The following NRIP1 variants were observed in gnomAD, a reference collection of about 807,000 sequenced individuals.
The protein encoded by NRIP1 is nuclear receptor-interacting protein 1.
Under a neutral mutation model 75.0 loss-of-function variants are expected in NRIP1, and 28 were observed. The ratio of observed to expected loss-of-function variants is 0.37; its 90% confidence interval spans 0.28 to 0.51. The LOEUF (loss-of-function observed/expected upper bound fraction) is 0.51, where lower values mean the gene tolerates loss of function less well. NRIP1 is among the 20% of genes least tolerant of loss of function. NRIP1 has a pLI of 0.92. For synonymous variants in NRIP1, 526 were observed against 487.6 expected, an observed-to-expected ratio of 1.08 and a Z score of -1.04; for missense variants, 1,435 against 1,343.7, an observed-to-expected ratio of 1.07 and a Z score of -1.06.
At chr21:14,989,526 G>T (rs1053505081) in intron 3 of NRIP1, among the ~76,000 whole-genome samples, 1 of 152,164 alleles carries the variant, frequency 6.6e-6, no homozygotes, top group African/African-American at 2.4e-5. Context: ...GAGCTACCCT[G>T]GGAGTGAATA....
In NRIP1 at chr21:14,967,791, G is replaced by C; in HGVS notation, c.402C>G (p.Ala134=). Residue 134 remains alanine, a synonymous_variant, in exon 4 of 4, where the codon GCC becomes GCG. Coordinates refer to ENST00000318948, the MANE Select transcript of NRIP1 (RefSeq NM_003489.4). ...PKGKQDSTLL[A]SLLQSFSSRL... is the part of the protein sequence containing the mutation. ...TAGAGCTGAATGACTGAAGCAAAGA[G>C]GCCAGTAATGTGCTATCCTGTTTGC... The C allele has an allele frequency of 6.2e-7, 1 of 1,614,070 alleles. No homozygotes were observed.
chr21:14,995,622 A>T (rs1386585788), intron 3 of NRIP1, among the ~76,000 whole-genome samples: 2 of 152,232 alleles, frequency 1.3e-5, no homozygotes, highest in Admixed American at 1.3e-4. Flanking sequence ...ATAAATATGA[A>T]AGAAAGAGAA....
intron 3 of NRIP1, 44 bp downstream of exon 3, chr21:15,014,300 C>A (rs186516223): frequency 2.5e-6 from 1 of 395,292 alleles, no homozygotes; most frequent in East Asian, 3.6e-5. Flanking sequence ...ATATTAAAGT[C>A]ATAATGATTA....
Position 14,963,890 on chromosome 21 carries a change from G to A in NRIP1, c.*826C>T, listed in dbSNP as rs1238496724. ...TCCAAAGAAAAGCCATTTTGCTTCT[G>A]TTAAAAACAATTTCTTAAATATTCA... On this transcript the variant is annotated 3_prime_UTR_variant, in exon 4 of 4. Coordinates refer to ENST00000318948, the MANE Select transcript of NRIP1 (RefSeq NM_003489.4). The A allele has an allele frequency of 2.7e-4, 41 of 152,504 alleles. No individual in the cohort carries two copies. The highest frequency in any genetic ancestry group is 2.6e-3 in the Admixed American group (40 of 15,256). 9.4% of individuals were successfully genotyped at this position (152,504 alleles called of 1,614,324 possible). A position where few individuals can be genotyped will look rare whatever the true frequency, so the allele number is the denominator to read the frequency against.
At chr21:15,028,856 T>C (rs2088581204) in intron 2 of NRIP1, among the ~76,000 whole-genome samples, 1 of 152,208 alleles carries the variant, frequency 6.6e-6, no homozygotes, top group African/African-American at 2.4e-5. Flanking sequence ...AAAGTATTTA[T>C]ATAAACAAGT....
intron 3 of NRIP1, among the ~76,000 whole-genome samples, chr21:14,971,073 A>C (rs760169762): frequency 6.6e-6 from 1 of 152,206 alleles, no homozygotes; most frequent in Non-Finnish European, 1.5e-5. Flanking sequence ...ATTTTTTGGC[A>C]ATCAGCTTTC....
In NRIP1 at chr21:14,965,038, T is replaced by C; in HGVS notation, c.3155A>G (p.Asn1052Ser). The C allele has an allele frequency of 1.2e-6, 2 of 1,613,958 alleles. No individual in the cohort carries two copies. The highest frequency in any genetic ancestry group is 1.7e-6 in the Non-Finnish European group (2 of 1,179,924). The change falls in exon 4 of 4, where the codon AAT becomes AGT. Residue 1052 changes from asparagine (N) to serine (S), a missense_variant. By Grantham distance (46) the Asn-to-Ser change is conservative (BLOSUM62 1). Coordinates refer to ENST00000318948, the MANE Select transcript of NRIP1 (RefSeq NM_003489.4). The part of the protein sequence containing the change: ...IKWVITDAEK[N>S]EYEKDSPRLT... ...TCTTGGAGAGTCTTTTTCATACTCATTCTTCTCCGCATCAGTGATAACCCA... is the reference window on the plus strand; with the variant it reads ...TCTTGGAGAGTCTTTTTCATACTCACTCTTCTCCGCATCAGTGATAACCCA...
intron 3 of NRIP1, among the ~76,000 whole-genome samples, chr21:15,008,374 C>A (rs1400178812): frequency 6.6e-6 from 1 of 152,026 alleles, no homozygotes; most frequent in East Asian, 1.9e-4. Context: ...AACGACCAAA[C>A]CTCTAGAGTT....
At chr21:15,049,764 GA>G (rs895789631) in intron 1 of NRIP1, among the ~76,000 whole-genome samples, 5 of 151,322 alleles carry the variant, frequency 3.3e-5, no homozygotes, top group Non-Finnish European at 5.9e-5. Context: ...ATGATTTAAT[GA>G]AAAAAAAGCT....
In NRIP1 at chr21:14,966,714, G is replaced by A. The variant is rs772270155; in HGVS notation, c.1479C>T (p.Asn493=). Residue 493 remains asparagine (N), a synonymous_variant, in exon 4 of 4, where the codon AAC becomes AAT. Coordinates refer to ENST00000318948, the MANE Select transcript of NRIP1 (RefSeq NM_003489.4). Reference sequence around the variant, plus strand: ...GAAGAAGTGTTACTTTCTGGTGTGAGTTTAGCTTAGAATTCTTTGAGGTAT... The same window carrying A: ...GAAGAAGTGTTACTTTCTGGTGTGAATTTAGCTTAGAATTCTTTGAGGTAT... ...DQDTSKNSKL[N]SHQKVTLLQL... The A allele has an allele frequency of 1.9e-6, 3 of 1,614,038 alleles. No homozygotes were observed. Among genetic ancestry groups the A allele is most frequent in the Non-Finnish European group, 2.5e-6 (3 of 1,179,984 alleles).
intron 1 of NRIP1, among the ~76,000 whole-genome samples, chr21:15,049,286 T>C (rs2089153639): frequency 6.6e-6 from 1 of 152,138 alleles, no homozygotes; most frequent in Non-Finnish European, 1.5e-5. Flanking sequence ...TTCAACTAAT[T>C]TGCTTAGAGA....
intron 3 of NRIP1, among the ~76,000 whole-genome samples, chr21:15,003,732 T>C (rs543828792): frequency 6.6e-6 from 1 of 152,190 alleles, no homozygotes; most frequent in Non-Finnish European, 1.5e-5. Context: ...ACACAAAGCA[T>C]AGGCTGCAAA....
chr21:15,056,236 C>T (rs985415466), intron 1 of NRIP1, among the ~76,000 whole-genome samples: 4 of 148,000 alleles, frequency 2.7e-5, no homozygotes, highest in South Asian at 2.1e-4. Flanking sequence ...AAAAATCTAA[C>T]GATTCTATGA....
Position 14,965,736 on chromosome 21 carries a change from TAGC to T in NRIP1, c.2454_2456del (p.Leu819del). ...CTTGATTTTGTCTTAGCAATCGACT[TAGC>T]AGACCATTCTTGGAGAAAGAAAAAT... On this transcript the variant is annotated inframe_deletion, in exon 4 of 4. Transcript: ENST00000318948. 1 of 1,614,012 alleles carries T rather than the reference TAGC, an allele frequency of 6.2e-7. No homozygotes were observed. The highest frequency in any genetic ancestry group is 2.2e-5 in the East Asian group (1 of 44,876).
At chr21:15,000,430 C>A (rs983787746) in intron 3 of NRIP1, among the ~76,000 whole-genome samples, 3 of 151,948 alleles carry the variant, frequency 2.0e-5, no homozygotes, top group Admixed American at 1.3e-4. Flanking sequence ...AAATATAGTC[C>A]TTTCCTGTTA....
At chr21:15,051,310 A>AT (rs1267342054) in intron 1 of NRIP1, 1 of 149,878 alleles carries the variant, frequency 6.7e-6, no homozygotes, top group Non-Finnish European at 1.5e-5. Flanking sequence ...TTTTCATTTT[A>AT]TTTTCCCTTG....
At position 15,035,633 on chromosome 21, in the gene NRIP1, T is replaced by G. The variant is rs549741912; in HGVS notation, c.-458+7862A>C. Among the ~76,000 whole-genome samples the G allele has an allele frequency of 3.2e-4, 48 of 150,618 alleles. 1 individual carries two copies. In the East Asian group the frequency reaches 9.4e-3, roughly 30 times the overall value. Reference sequence around the variant, plus strand: ...GTGCAGTGGCGCGATCTCGGCTCACTGCAACTTCCGCCTCCTGGGTTCAAG... The same window carrying G: ...GTGCAGTGGCGCGATCTCGGCTCACGGCAACTTCCGCCTCCTGGGTTCAAG... On this transcript the variant is annotated intron_variant, in intron 2 of 3. Coordinates refer to ENST00000318948, the MANE Select transcript of NRIP1 (RefSeq NM_003489.4).
chr21:15,017,783 T>C (rs2088271656), intron 2 of NRIP1, among the ~76,000 whole-genome samples: 2 of 152,240 alleles, frequency 1.3e-5, no homozygotes, highest in Admixed American at 1.3e-4. Flanking sequence ...ATGAACTTAA[T>C]GAGCCTACAT....
chr21:15,012,524 G>A (rs1301987627), intron 3 of NRIP1, among the ~76,000 whole-genome samples: 1 of 115,256 alleles, frequency 8.7e-6, no homozygotes, highest in Non-Finnish European at 1.6e-5. Flanking sequence ...GCACAATCTT[G>A]GCTCACTGCA....
Sources: gnomAD v4.1 joint callset for allele counts (sites outside exome capture counted in the v4.1 genomes callset) on GRCh38, gnomAD v4.1.1 for gene constraint, MANE v1.5 for transcripts, NCBI Gene and HGNC (gene_info 2026-07-23, HGNC 2026-07-21) for gene names.